Variants in TAB2 observed in about 807,000 individuals in gnomAD.
TAB2 encodes TGF-beta-activated kinase 1 and MAP3K7-binding protein 2.
A neutral mutation model predicts 65.0 loss-of-function variants in TAB2; 3 were observed. That is an observed-to-expected ratio of 0.05 (90% CI 0.02 to 0.12). The LOEUF (loss-of-function observed/expected upper bound fraction) is 0.12. Ranked by LOEUF, TAB2 falls within the 10% of genes least tolerant of loss-of-function variation. The pLI, the probability that TAB2 is intolerant of heterozygous loss-of-function variation, is 1.00. For missense variants in TAB2, 623 were observed against 840.3 expected (o/e 0.74, Z 3.20); for synonymous variants, 298 against 285.1 (o/e 1.05, Z -0.46).
chr6:149,262,110 T>C (rs1017180833), intron 1 of TAB2, among the ~76,000 whole-genome samples: 4 of 152,232 alleles, frequency 2.6e-5, no homozygotes, highest in African/African-American at 9.6e-5. Flanking sequence ...ATGTTTAGGG[T>C]GCCTGAACTT....
chr6:149,276,097 T>C (rs960095116), intron 1 of TAB2, among the ~76,000 whole-genome samples: 4 of 148,068 alleles, frequency 2.7e-5, no homozygotes, highest in African/African-American at 1.1e-4. Flanking sequence ...AGGTTAATAA[T>C]AGGGAAAACT....
At chr6:149,352,527 C>T (rs1780524611) in intron 1 of TAB2, among the ~76,000 whole-genome samples, 1 of 152,146 alleles carries the variant, frequency 6.6e-6, no homozygotes, top group South Asian at 2.1e-4. Flanking sequence ...TTTTTAAACT[C>T]ATGAAATTCC....
chr6:149,250,730 G>T (rs1408008360), intron 1 of TAB2, among the ~76,000 whole-genome samples: 2 of 152,142 alleles, frequency 1.3e-5, no homozygotes, highest in Non-Finnish European at 2.9e-5. Context: ...GCAGCACACC[G>T]GCTATTTTTT....
rs760071493 is a variant in TAB2 at position 149,411,590 on chromosome 6, A to T, written c.*1871A>T. 5 of 153,382 alleles carry T rather than the reference A, an allele frequency of 3.3e-5. No individual in the cohort carries two copies. Among genetic ancestry groups the T allele is most frequent in the Non-Finnish European group, 7.3e-5 (5 of 68,034 alleles). 9.5% of individuals were successfully genotyped at this position (153,382 alleles called of 1,614,324 possible). A position where few individuals can be genotyped will look rare whatever the true frequency, so the allele number is the denominator to read the frequency against. ...AACAGATAAGTTATTTATAAAAATT[A>T]AAAAACTTATATTCTAATGTGGATT... On this transcript the variant is annotated 3_prime_UTR_variant, in exon 7 of 7. Transcript: ENST00000637181.
At chr6:149,403,244 AAAAATATATATAT>A (rs1562456067) in intron 6 of TAB2, among the ~76,000 whole-genome samples, 6 of 49,964 alleles carry the variant, frequency 1.2e-4, no homozygotes, top group African/African-American at 3.3e-4. Context: ...TAAAAAAAAA[AAAAATATATATAT>A]ATATATATAT....
At chr6:149,395,488 G>A (rs994579798) in intron 3 of TAB2, among the ~76,000 whole-genome samples, 6 of 151,990 alleles carry the variant, frequency 3.9e-5, no homozygotes, top group Non-Finnish European at 7.4e-5. Context: ...ACTTCCTTTA[G>A]CACAGATCCC....
intron 1 of TAB2, chr6:149,246,882 A>G (rs1777731300): frequency 6.6e-6 from 1 of 152,290 alleles, no homozygotes; most frequent in African/African-American, 2.4e-5. Context: ...TTCATCTGAA[A>G]TTGATTCTGT....
chr6:149,403,247 AATATATATATATATATATATAT>A (rs71010865), intron 6 of TAB2, among the ~76,000 whole-genome samples: 23 of 44,034 alleles, frequency 5.2e-4, no homozygotes, highest in South Asian at 1.0e-3. Context: ...AAAAAAAAAA[AATATATATATATATATATATAT>A]ATATATATAT....
intron 3 of TAB2, 84 bp downstream of exon 3, chr6:149,379,602 G>A: frequency 7.6e-7 from 1 of 1,317,044 alleles, no homozygotes; most frequent in Non-Finnish European, 1.1e-6. Flanking sequence ...ATGGATGTTA[G>A]CATTGTTATT....
intron 1 of TAB2, among the ~76,000 whole-genome samples, chr6:149,349,409 C>T (rs896862925): frequency 7.3e-6 from 1 of 137,460 alleles, no homozygotes; most frequent in Non-Finnish European, 1.6e-5. Flanking sequence ...AACAGAGTGA[C>T]ACTCCGTCTC....
chr6:149,297,895 T>C (rs1451503462), intron 1 of TAB2, among the ~76,000 whole-genome samples: 2 of 152,212 alleles, frequency 1.3e-5, no homozygotes, highest in African/African-American at 4.8e-5. Flanking sequence ...GTTCATGAAA[T>C]ATTGATATTT....
At position 149,286,027 on chromosome 6, in the gene TAB2, A is replaced by C. The variant is rs1048354231; in HGVS notation, c.-121+67251A>C. ...TTCCAGGGAAAGAAAAGGACCACAA[A>C]TATATTTTATAAATTATTTTAGTGT... On this transcript the variant is annotated intron_variant, in intron 1 of 1. Transcript: ENST00000606202. 3.3e-5 allele frequency among the ~76,000 whole-genome samples: 5 copies of C among 152,184 alleles called. No homozygotes were observed. In the South Asian group the frequency reaches 1.0e-3, roughly 31 times the overall value.
Position 149,370,040 on chromosome 6 carries a change from G to A in TAB2, c.43G>A (p.Asp15Asn). Residue 15 changes from aspartate (D) to asparagine (N), a missense_variant, in exon 2 of 7, where the codon GAC becomes AAC. Physicochemically the swap from Asp to Asn is conservative, Grantham distance 23. This residue lies in a region of TAB2 where 17 missense variants were observed against 44.2 expected (regional missense o/e 0.38). Coordinates refer to ENST00000637181, the MANE Select transcript of TAB2 (RefSeq NM_001292034.3). Reference sequence around the variant, plus strand: ...CCAAATTGATTTTCAGGTTTTACATGACCTGCGACAAAAATTCCCTGAAGT... The same window carrying A: ...CCAAATTGATTTTCAGGTTTTACATAACCTGCGACAAAAATTCCCTGAAGT... Reference protein sequence around the residue: ...SHQIDFQVLHDLRQKFPEVPE... With the variant: ...SHQIDFQVLHNLRQKFPEVPE... 2 of 1,614,098 alleles carry A rather than the reference G, an allele frequency of 1.2e-6. No individual in the cohort carries two copies. Among genetic ancestry groups the A allele is most frequent in the Non-Finnish European group, 1.7e-6 (2 of 1,179,998 alleles).
intron 3 of TAB2, among the ~76,000 whole-genome samples, chr6:149,390,802 T>C (rs1042555484): frequency 7.9e-5 from 12 of 151,960 alleles, no homozygotes; most frequent in Admixed American, 5.9e-4. Flanking sequence ...ATACTGAATA[T>C]TTTTTTCTTT....
chr6:149,309,887 T>G (rs1187846025), intron 1 of TAB2, among the ~76,000 whole-genome samples: 1 of 150,344 alleles, frequency 6.7e-6, no homozygotes, highest in Non-Finnish European at 1.5e-5. Context: ...GGTGTGGGTG[T>G]GTGTGTGTGT....
intron 3 of TAB2, among the ~76,000 whole-genome samples, chr6:149,386,168 T>C (rs570551543): frequency 1.1e-4 from 17 of 152,352 alleles, no homozygotes; most frequent in African/African-American, 3.6e-4. Context: ...TTATATAATA[T>C]GCACATACTC....
chr6:149,335,323 T>C (rs1779900713), intron 1 of TAB2, among the ~76,000 whole-genome samples: 1 of 150,818 alleles, frequency 6.6e-6, no homozygotes, highest in Non-Finnish European at 1.5e-5. Context: ...GTATGTATTA[T>C]ATATATAAAA....
intron 1 of TAB2, among the ~76,000 whole-genome samples, chr6:149,279,810 A>G (rs746443035): frequency 1.3e-5 from 2 of 152,176 alleles, no homozygotes; most frequent in Non-Finnish European, 2.9e-5. Flanking sequence ...CAAACATTCT[A>G]ACCTCTAAAT....
chr6:149,292,322 A>T (rs963394172), intron 1 of TAB2, among the ~76,000 whole-genome samples: 1 of 152,144 alleles, frequency 6.6e-6, no homozygotes, highest in Non-Finnish European at 1.5e-5. Flanking sequence ...TCAGAAAAAA[A>T]CTCTTTCATA....
Sources: gnomAD v4.1 joint callset for allele counts (sites outside exome capture counted in the v4.1 genomes callset) on GRCh38, gnomAD v4.1.1 for gene constraint, gnomAD v4.1.1 regional missense constraint, MANE v1.5 for transcripts, NCBI Gene and HGNC (gene_info 2026-07-23, HGNC 2026-07-21) for gene names.